The following NCAPD3 variants were observed in gnomAD, a reference collection of about 807,000 sequenced individuals.
NCAPD3 encodes the protein non-SMC condensin II complex subunit D3.
Under a neutral mutation model 182.9 loss-of-function variants are expected in NCAPD3, and 105 were observed. That is an observed-to-expected ratio of 0.57 (90% confidence interval 0.49 to 0.68). NCAPD3 has a LOEUF of 0.68. NCAPD3 is among the 30% of genes least tolerant of loss of function. The pLI, the probability that NCAPD3 is intolerant of heterozygous loss-of-function variation, is 0.00. For synonymous variants in NCAPD3, 815 were observed against 679.9 expected, an observed-to-expected ratio of 1.20 and a Z score of -3.09; for missense variants, 1,944 against 1,837.0, an observed-to-expected ratio of 1.06 and a Z score of -1.07.
chr11:134,210,525 A>G, intron 3 of NCAPD3, 71 bp from the exon 4 acceptor site: 2 of 1,369,004 alleles, frequency 1.5e-6, no homozygotes, highest in African/African-American at 2.9e-5. Context: ...ACATCAGATG[A>G]AAAGTTACAA....
chr11:134,168,184 C>G lies in NCAPD3; in HGVS notation c.3385G>C (p.Asp1129His). 6.2e-7 allele frequency: 1 copy of G among 1,613,820 alleles called. No individual in the cohort carries two copies. ...ICLSILACFA[D>H]GILPLDLDAS... ...TCCAGGTCCAGGGGTAGGATGCCAT[C>G]AGCAAAGCACGCTGAGAGACAGAGA... is the stretch of plus-strand genomic sequence containing the variant. The change falls in exon 27 of 35, where the codon GAT becomes CAT. Residue 1129 changes from aspartate (D) to histidine (H), a missense_variant. This residue lies in a region of NCAPD3 where 1,803 missense variants were observed against 1,674.6 expected (regional missense o/e 1.08). Coordinates refer to ENST00000534548, the MANE Select transcript of NCAPD3 (RefSeq NM_015261.3).
intron 31 of NCAPD3, among the ~76,000 whole-genome samples, chr11:134,157,328 T>G (rs555231010): frequency 1.3e-5 from 2 of 152,220 alleles, no homozygotes; most frequent in Admixed American, 6.5e-5. Context: ...GCATAAGTGA[T>G]AGAGGACAGT....
intron 2 of NCAPD3, among the ~76,000 whole-genome samples, chr11:134,218,801 A>T (rs1324450602): frequency 1.3e-5 from 2 of 152,060 alleles, no homozygotes; most frequent in African/African-American, 4.8e-5. Context: ...TCATGCCATT[A>T]TTACTCATAA....
Position 134,153,027 on chromosome 11 carries a change from C to A in NCAPD3, c.4414G>T (p.Val1472Leu). 2 of 1,597,342 alleles carry A rather than the reference C, an allele frequency of 1.3e-6. No individual in the cohort carries two copies. Among genetic ancestry groups the A allele is most frequent in the Non-Finnish European group, 1.7e-6 (2 of 1,169,586 alleles). Residue 1472 changes from valine (V) to leucine (L), a missense_variant, in exon 35 of 35, where the codon GTG (valine) becomes TTG (leucine). Val to Leu is a conservative substitution (Grantham distance 32). Around this residue, in one of 3 missense-constraint regions of NCAPD3, gnomAD observed 1,803 missense variants for 1,674.6 expected, o/e 1.08. Coordinates refer to ENST00000534548, the MANE Select transcript of NCAPD3 (RefSeq NM_015261.3). ...KPPPQPQQWNVRSPARNKDTP... is the reference protein window; with the variant it reads ...KPPPQPQQWNLRSPARNKDTP... Reference sequence around the variant, plus strand: ...TCTTTATTCCTGGCGGGAGACCGCACATTCCACTGCTGAGGCTGTGGGGGC... The same window carrying A: ...TCTTTATTCCTGGCGGGAGACCGCAAATTCCACTGCTGAGGCTGTGGGGGC...
chr11:134,161,535 G>A (rs1369840944), intron 28 of NCAPD3, among the ~76,000 whole-genome samples: 1 of 152,224 alleles, frequency 6.6e-6, no homozygotes, highest in Non-Finnish European at 1.5e-5. Context: ...ACTCCATTAA[G>A]GGAAGACGTG....
At chr11:134,159,056 A>T (rs1943507785) in intron 29 of NCAPD3, among the ~76,000 whole-genome samples, 2 of 152,176 alleles carry the variant, frequency 1.3e-5, no homozygotes, top group Admixed American at 6.5e-5. Flanking sequence ...CATTTTCTTT[A>T]CCATTCATCC....
chr11:134,212,377 G>T (rs542939413), intron 3 of NCAPD3, among the ~76,000 whole-genome samples: 2,400 of 142,906 alleles, frequency 0.017, 24 homozygotes, highest in Non-Finnish European at 0.026. Flanking sequence ...TTGTTGTTTT[G>T]TGTGTGTGTG....
At chr11:134,215,969 G>C (rs947060822) in intron 3 of NCAPD3, among the ~76,000 whole-genome samples, 1 of 152,152 alleles carries the variant, frequency 6.6e-6, no homozygotes, top group Non-Finnish European at 1.5e-5. Context: ...AGCTGCAAGT[G>C]GCCCACGCAA....
intron 2 of NCAPD3, among the ~76,000 whole-genome samples, chr11:134,218,418 A>G (rs546128741): frequency 2.0e-5 from 3 of 151,866 alleles, no homozygotes; most frequent in African/African-American, 7.2e-5. Flanking sequence ...TTCAACCCAT[A>G]CCTCAATTTA....
intron 3 of NCAPD3, among the ~76,000 whole-genome samples, chr11:134,216,160 T>A (rs1204967740): frequency 1.3e-5 from 2 of 152,116 alleles, no homozygotes; most frequent in African/African-American, 4.8e-5. Context: ...ATTTCCAAAG[T>A]CATGATGGGA....
intron 28 of NCAPD3, 147 bp from the exon 29 acceptor site, chr11:134,160,221 A>C: frequency 1.4e-6 from 1 of 734,350 alleles, no homozygotes; most frequent in Non-Finnish European, 2.2e-6. Context: ...AAGAAAGAAA[A>C]AAGCCCCCCA....
chr11:134,171,687 C>T (rs1316817794), intron 24 of NCAPD3, among the ~76,000 whole-genome samples: 1 of 152,226 alleles, frequency 6.6e-6, no homozygotes, highest in Non-Finnish European at 1.5e-5. Context: ...AGACCCTGGT[C>T]ATCCCTGCAT....
chr11:134,218,001 G>A (rs1467862767), intron 2 of NCAPD3, among the ~76,000 whole-genome samples: 2 of 151,504 alleles, frequency 1.3e-5, no homozygotes, highest in African/African-American at 4.9e-5. Flanking sequence ...AGGAGGGTGA[G>A]GTGGGAGGCT....
At chr11:134,164,572 C>G (rs752183162) in intron 27 of NCAPD3, among the ~76,000 whole-genome samples, 3 of 151,998 alleles carry the variant, frequency 2.0e-5, no homozygotes, top group African/African-American at 4.8e-5. Context: ...CTTAGGGGAG[C>G]TGCACACTCA....
In NCAPD3 at chr11:134,204,927, C is replaced by T. The variant is rs551193021; in HGVS notation, c.1061G>A (p.Arg354His). 1.1e-5 allele frequency: 18 copies of T among 1,613,418 alleles called. No individual in the cohort carries two copies. The highest frequency in any genetic ancestry group is 5.0e-5 in the Admixed American group (3 of 59,980). ...ELKESIFPVVRILLQHICAKV... is the reference protein window; with the variant it reads ...ELKESIFPVVHILLQHICAKV... ...GGCACAGATGTGCTGCAGTAAGATA[C>T]GGACGACTGGGAATATACTCTCCTT... Residue 354 changes from arginine (R) to histidine (H), a missense_variant, in exon 9 of 35, where the codon CGT becomes CAT. Physicochemically the swap from Arg to His is conservative, Grantham distance 29. This residue lies in a region of NCAPD3 where 1,803 missense variants were observed against 1,674.6 expected (regional missense o/e 1.08). Coordinates refer to ENST00000534548, the MANE Select transcript of NCAPD3 (RefSeq NM_015261.3). This position sits in a 1 kb window ranked among gnomAD's most constrained non-coding sequence, Gnocchi z 4.3.
chr11:134,205,846 T>C (rs1937600755), intron 8 of NCAPD3, among the ~76,000 whole-genome samples: 1 of 152,346 alleles, frequency 6.6e-6, no homozygotes, highest in East Asian at 1.9e-4. Context: ...TAAAAAGTCC[T>C]TAGTGAGAGA....
At chr11:134,207,847 C>T (rs537217628) in intron 7 of NCAPD3, among the ~76,000 whole-genome samples, 3 of 151,200 alleles carry the variant, frequency 2.0e-5, no homozygotes, top group South Asian at 2.1e-4. Flanking sequence ...AAAGGGCATG[C>T]GAATTAAAAA....
chr11:134,155,128 C>T (rs1189603198), intron 32 of NCAPD3, among the ~76,000 whole-genome samples: 3 of 152,178 alleles, frequency 2.0e-5, no homozygotes, highest in Non-Finnish European at 4.4e-5. Context: ...GTAACAGTAA[C>T]AGGGACTTGC....
chr11:134,205,782 GA>G (rs1330482425), intron 8 of NCAPD3, among the ~76,000 whole-genome samples: 1 of 152,118 alleles, frequency 6.6e-6, no homozygotes, highest in Non-Finnish European at 1.5e-5. Context: ...AACTCTCATG[GA>G]AAAAACGAAA....
Sources: gnomAD v4.1 joint callset for allele counts (sites outside exome capture counted in the v4.1 genomes callset) on GRCh38, gnomAD v4.1.1 for gene constraint, gnomAD v4.1.1 regional missense constraint, Gnocchi (gnomAD v3.1) non-coding constraint, MANE v1.5 for transcripts, NCBI Gene and HGNC (gene_info 2026-07-23, HGNC 2026-07-21) for gene names.